The following DCDC2 variants were observed in gnomAD, a reference collection of about 807,000 sequenced individuals.
DCDC2 encodes the protein doublecortin domain-containing protein 2.
DCDC2 carries 40 observed loss-of-function variants against 50.2 expected under a neutral mutation model. That is an observed-to-expected ratio of 0.80 (90% CI 0.62 to 1.04). The LOEUF (loss-of-function observed/expected upper bound fraction) is 1.04, where lower values mean the gene tolerates loss of function less well. DCDC2 is among the 50% of genes least tolerant of loss of function. The pLI is 0.00. For missense variants in DCDC2, 570 were observed against 581.9 expected (o/e 0.98, Z 0.21); for synonymous variants, 234 against 210.6 (o/e 1.11, Z -0.96).
At chr6:24,355,523 C>T (rs142372301) in intron 1 of DCDC2, among the ~76,000 whole-genome samples, 6 of 152,264 alleles carry the variant, frequency 3.9e-5, no homozygotes, top group African/African-American at 1.4e-4. Flanking sequence ...TACTTTTTAT[C>T]ACAGCCCTGT....
At chr6:24,262,365 G>A (rs907631071) in intron 7 of DCDC2, among the ~76,000 whole-genome samples, 43 of 152,182 alleles carry the variant, frequency 2.8e-4, no homozygotes. Context: ...CCATCACTGA[G>A]GGCTAAAGTG....
At chr6:24,217,484 G>C (rs1762008028) in intron 7 of DCDC2, among the ~76,000 whole-genome samples, 1 of 152,166 alleles carries the variant, frequency 6.6e-6, no homozygotes, top group African/African-American at 2.4e-5. Context: ...ACAAGTGCTA[G>C]TGATTCTGTA....
At chr6:24,185,682 T>TACAC (rs1226825538) in intron 8 of DCDC2, among the ~76,000 whole-genome samples, 2 of 74,194 alleles carry the variant, frequency 2.7e-5, no homozygotes, top group Admixed American at 1.5e-4. Flanking sequence ...CACCCATCCA[T>TACAC]ACACATACAC....
intron 7 of DCDC2, among the ~76,000 whole-genome samples, chr6:24,235,803 C>T (rs1762430456): frequency 6.6e-6 from 1 of 152,130 alleles, no homozygotes. Flanking sequence ...AGCATTTCTA[C>T]ACACCAATAA....
chr6:24,181,192 C>A (rs150518526), intron 8 of DCDC2, among the ~76,000 whole-genome samples: 2 of 152,206 alleles, frequency 1.3e-5, no homozygotes, highest in East Asian at 3.9e-4. Context: ...AAACTCAGGT[C>A]CAGAGGGGAA....
chr6:24,307,069 T>A (rs1349907254), intron 2 of DCDC2, among the ~76,000 whole-genome samples: 1 of 152,208 alleles, frequency 6.6e-6, no homozygotes, highest in Non-Finnish European at 1.5e-5. Context: ...CACACTTCAA[T>A]TTCTAGACCT....
At position 24,328,011 on chromosome 6, in the gene DCDC2, G is replaced by C. The variant is rs187741652; in HGVS notation, c.348+25558C>G. Among the ~76,000 whole-genome samples, 11 of 152,290 alleles carry C rather than the reference G, an allele frequency of 7.2e-5. No homozygotes were observed. The East Asian group carries it at 2.1e-3, about 29-fold the overall frequency. ...AAATGAGATTCACGCTATTCCATTT[G>C]CATGGATGAAAATACAGACACTTTC... is the stretch of plus-strand genomic sequence containing the variant. On this transcript the variant is annotated intron_variant, in intron 2 of 9. Coordinates refer to ENST00000378454, the MANE Select transcript of DCDC2 (RefSeq NM_016356.5).
At chr6:24,279,992 G>A (rs542584784) in intron 6 of DCDC2, among the ~76,000 whole-genome samples, 23 of 152,260 alleles carry the variant, frequency 1.5e-4, no homozygotes, top group East Asian at 9.6e-4. Flanking sequence ...AACTCACACC[G>A]TATTGAGTGT....
intron 7 of DCDC2, among the ~76,000 whole-genome samples, chr6:24,230,470 C>T (rs796835260): frequency 4.6e-5 from 7 of 151,822 alleles, no homozygotes; most frequent in African/African-American, 1.2e-4. Context: ...AGTGAGACCC[C>T]GCCACTACAA....
intron 7 of DCDC2, among the ~76,000 whole-genome samples, chr6:24,221,831 T>G (rs1389151315): frequency 2.6e-5 from 4 of 152,170 alleles, no homozygotes; most frequent in African/African-American, 9.7e-5. Context: ...CATGATGCCT[T>G]TTATTACACC....
intron 8 of DCDC2, among the ~76,000 whole-genome samples, chr6:24,188,975 T>C (rs1717751510): frequency 6.6e-6 from 1 of 152,110 alleles, no homozygotes; most frequent in Non-Finnish European, 1.5e-5. Flanking sequence ...TATGTACCCT[T>C]AAACAGAGAG....
At chr6:24,242,040 T>C (rs1762572143) in intron 7 of DCDC2, among the ~76,000 whole-genome samples, 1 of 152,048 alleles carries the variant, frequency 6.6e-6, no homozygotes, top group South Asian at 2.1e-4. Context: ...CCTGCTGTGG[T>C]GGTGCATGCC....
chr6:24,343,021 T>C lies in DCDC2; in HGVS notation c.348+10548A>G, dbSNP rs528428375. Among the ~76,000 whole-genome samples, 3 of 152,068 alleles carry C rather than the reference T, an allele frequency of 2.0e-5. No homozygotes were observed. In the East Asian group the frequency reaches 5.8e-4, roughly 29 times the overall value. ...TTTTTATATCTGCAGGCCTAGAATGTAGTCCACTGCCTGGCTCTTGGTAAA... is the reference window on the plus strand; with the variant it reads ...TTTTTATATCTGCAGGCCTAGAATGCAGTCCACTGCCTGGCTCTTGGTAAA... On this transcript the variant is annotated intron_variant, in intron 2 of 9. Coordinates refer to ENST00000378454, the MANE Select transcript of DCDC2 (RefSeq NM_016356.5).
At chr6:24,308,365 CG>C (rs1469654150) in intron 2 of DCDC2, among the ~76,000 whole-genome samples, 1 of 152,204 alleles carries the variant, frequency 6.6e-6, no homozygotes, top group Non-Finnish European at 1.5e-5. Context: ...CTAACTAAAA[CG>C]GCAGCCCAGC....
chr6:24,181,710 G>C (rs1761076276), intron 8 of DCDC2, among the ~76,000 whole-genome samples: 1 of 152,154 alleles, frequency 6.6e-6, no homozygotes, highest in African/African-American at 2.4e-5. Context: ...TATGTCCCAT[G>C]TTAATGTATT....
the DCDC2 span, among the ~76,000 whole-genome samples, chr6:24,376,595 C>T: frequency 1.3e-5 from 2 of 151,986 alleles, no homozygotes; most frequent in African/African-American, 2.4e-5. Context: ...GAAATTTGGA[C>T]GGAGAAGTCT....
At chr6:24,190,431 T>C (rs539517759) in intron 8 of DCDC2, among the ~76,000 whole-genome samples, 2 of 152,214 alleles carry the variant, frequency 1.3e-5, no homozygotes, top group East Asian at 3.9e-4. Context: ...CTAATGTAAA[T>C]GATGAGTTAA....
At chr6:24,372,195 G>A in the DCDC2 span, among the ~76,000 whole-genome samples, 3 of 152,192 alleles carry the variant, frequency 2.0e-5, no homozygotes, top group African/African-American at 7.2e-5. Context: ...GCCGAGGCGG[G>A]TGGATCACGA....
chr6:24,316,018 A>G (rs1400964412), intron 2 of DCDC2, among the ~76,000 whole-genome samples: 1 of 152,226 alleles, frequency 6.6e-6, no homozygotes, highest in Non-Finnish European at 1.5e-5. Context: ...GTTTGTGGCT[A>G]GTAAGCGAAG....
Sources: allele counts gnomAD v4.1 joint callset (sites outside exome capture counted in the v4.1 genomes callset), GRCh38; gene constraint gnomAD v4.1.1; transcripts MANE v1.5; gene names NCBI Gene and HGNC (gene_info 2026-07-23, HGNC 2026-07-21).